Variants in LARP4B observed in about 807,000 individuals in gnomAD.
LARP4B encodes the protein la-related protein 4B.
A neutral mutation model predicts 89.8 loss-of-function variants in LARP4B; 12 were observed. That is an observed-to-expected ratio of 0.13 (90% CI 0.09 to 0.22). The LOEUF is 0.22. LARP4B is among the 10% of genes least tolerant of loss of function. LARP4B has a pLI of 1.00. For synonymous variants in LARP4B, 367 were observed against 363.3 expected (o/e 1.01, Z -0.12); for missense variants, 757 against 947.7 (o/e 0.80, Z 2.64).
intron 7 of LARP4B, among the ~76,000 whole-genome samples, chr10:839,696 G>A (rs796524874): frequency 3.9e-5 from 6 of 152,280 alleles, no homozygotes; most frequent in African/African-American, 1.4e-4. Context: ...TGCTGGTGGT[G>A]GCCAACCGTA....
intron 5 of LARP4B, among the ~76,000 whole-genome samples, chr10:849,623 TG>T (rs1833943434): frequency 6.6e-6 from 1 of 152,218 alleles, no homozygotes; most frequent in African/African-American, 2.4e-5. Context: ...AAGTGTGGGC[TG>T]TACGCAGCGA....
At chr10:867,410 G>T (rs1410284150) in intron 3 of LARP4B, among the ~76,000 whole-genome samples, 1 of 152,154 alleles carries the variant, frequency 6.6e-6, no homozygotes, top group Non-Finnish European at 1.5e-5. Flanking sequence ...TAGATTCTAA[G>T]CAATTGCGTT....
chr10:904,793 T>C (rs1359653375), intron 1 of LARP4B, among the ~76,000 whole-genome samples: 1 of 152,262 alleles, frequency 6.6e-6, no homozygotes, highest in East Asian at 1.9e-4. Flanking sequence ...TGCTATGTCA[T>C]GTTCTTTACT....
At chr10:889,241 TATTG>T (rs1184853407) in intron 1 of LARP4B, among the ~76,000 whole-genome samples, 1 of 152,164 alleles carries the variant, frequency 6.6e-6, no homozygotes, top group Non-Finnish European at 1.5e-5. Flanking sequence ...CAACAATTTA[TATTG>T]ATTCATTCAT....
At chr10:881,072 G>A (rs1267572893) in intron 3 of LARP4B, among the ~76,000 whole-genome samples, 7 of 152,318 alleles carry the variant, frequency 4.6e-5, no homozygotes, top group African/African-American at 1.7e-4. Context: ...GGGGCAAAAA[G>A]CCGCTGAGAA....
At chr10:825,389 G>T in intron 12 of LARP4B, 73 bp from the exon 13 acceptor site, 2 of 1,446,944 alleles carry the variant, frequency 1.4e-6, no homozygotes, top group South Asian at 2.4e-5. Flanking sequence ...ATACTGACAT[G>T]GAATAGCTAA....
intron 8 of LARP4B, among the ~76,000 whole-genome samples, chr10:834,034 G>A (rs905569815): frequency 1.3e-5 from 2 of 152,168 alleles, no homozygotes; most frequent in Non-Finnish European, 2.9e-5. Flanking sequence ...CCATACTAAT[G>A]TCAATCAAGG....
At chr10:900,783 C>T (rs1023803599) in intron 1 of LARP4B, among the ~76,000 whole-genome samples, 1 of 151,126 alleles carries the variant, frequency 6.6e-6, no homozygotes, top group African/African-American at 2.4e-5. Flanking sequence ...CCACGCTTGG[C>T]TAATTTTTGT....
intron 1 of LARP4B, among the ~76,000 whole-genome samples, chr10:919,333 G>C (rs1057475064): frequency 1.3e-5 from 2 of 152,018 alleles, no homozygotes; most frequent in Non-Finnish European, 2.9e-5. Flanking sequence ...TCGGTGCATG[G>C]GTCGTTCAGT....
chr10:844,119 G>A (rs1166818589), intron 6 of LARP4B, among the ~76,000 whole-genome samples: 3 of 152,246 alleles, frequency 2.0e-5, no homozygotes, highest in Non-Finnish European at 4.4e-5. Flanking sequence ...TCAAACGGAG[G>A]CCATGCAGGA....
chr10:939,300 C>A, the LARP4B span, among the ~76,000 whole-genome samples: 3 of 152,134 alleles, frequency 2.0e-5, no homozygotes, highest in African/African-American at 7.2e-5. Context: ...GATGAAGGAA[C>A]CGCAAGGGTG....
At chr10:919,580 A>T (rs970874536) in intron 1 of LARP4B, among the ~76,000 whole-genome samples, 5 of 145,702 alleles carry the variant, frequency 3.4e-5, no homozygotes, top group South Asian at 4.2e-4. Flanking sequence ...AATTTGCTGT[A>T]GTTTCTTAAG....
chr10:938,689 T>A, the LARP4B span, among the ~76,000 whole-genome samples: 1 of 152,238 alleles, frequency 6.6e-6, no homozygotes, highest in African/African-American at 2.4e-5. Flanking sequence ...CACACACATA[T>A]GAATGTGTGT....
chr10:845,802 A>C (rs898433974), intron 5 of LARP4B, among the ~76,000 whole-genome samples: 1 of 152,230 alleles, frequency 6.6e-6, no homozygotes, highest in Non-Finnish European at 1.5e-5. Context: ...CAGGCACTGA[A>C]ATGCTAAGAA....
chr10:914,262 A>G (rs1443774210), intron 1 of LARP4B, among the ~76,000 whole-genome samples: 5 of 152,204 alleles, frequency 3.3e-5, no homozygotes, highest in Non-Finnish European at 7.3e-5. Flanking sequence ...ACTATTAGGT[A>G]TAAGAAACAA....
At chr10:830,713 A>G (rs1832859873) in intron 9 of LARP4B, among the ~76,000 whole-genome samples, 154 bp downstream of exon 9, 1 of 152,194 alleles carries the variant, frequency 6.6e-6, no homozygotes, top group Non-Finnish European at 1.5e-5. Flanking sequence ...AATACACTCA[A>G]ATATTTAAGT....
intron 5 of LARP4B, among the ~76,000 whole-genome samples, chr10:862,641 TC>T (rs1186523266): frequency 2.6e-5 from 4 of 152,088 alleles, no homozygotes; most frequent in African/African-American, 9.7e-5. Context: ...ACGCCTGTAG[TC>T]CCAGCTACTC....
the LARP4B span, among the ~76,000 whole-genome samples, chr10:940,993 C>T: frequency 6.8e-4 from 104 of 152,170 alleles, no homozygotes; most frequent in Non-Finnish European, 4.0e-4. Context: ...TCCTCTAAGA[C>T]GGACAGGAGC....
chr10:986,931 T>G, the LARP4B span: 1 of 84,562 alleles, frequency 1.2e-5, no homozygotes, highest in Admixed American at 1.4e-4. Flanking sequence ...CAGAGTGAGA[T>G]TCCGTCTCAA....
Sources: allele counts gnomAD v4.1 joint callset (sites outside exome capture counted in the v4.1 genomes callset), GRCh38; gene constraint gnomAD v4.1.1; transcripts MANE v1.5; gene names NCBI Gene and HGNC (gene_info 2026-07-23, HGNC 2026-07-21).